TLCD4: variants seen among roughly 807,000 people sequenced by gnomAD.
The protein encoded by TLCD4 is TLC domain containing 4.
Under a neutral mutation model 24.2 loss-of-function variants are expected in TLCD4, and 7 were observed. The ratio of observed to expected loss-of-function variants is 0.29; its 90% CI spans 0.16 to 0.54. The LOEUF is 0.54. TLCD4 is among the 20% of genes least tolerant of loss of function. TLCD4 has a pLI of 0.95. For synonymous variants in TLCD4, 103 were observed against 106.4 expected, an observed-to-expected ratio of 0.97 and a Z score of 0.20; for missense variants, 259 against 313.9, an observed-to-expected ratio of 0.82 and a Z score of 1.32.
chr1:95,093,201 C>T, the TLCD4 span, among the ~76,000 whole-genome samples: 4 of 152,186 alleles, frequency 2.6e-5, no homozygotes, highest in Admixed American at 1.3e-4. Flanking sequence ...AAGAACCTCC[C>T]AGAGGGTGAA....
intron 5 of TLCD4, among the ~76,000 whole-genome samples, chr1:95,155,845 G>A (rs1324139523): frequency 2.0e-5 from 3 of 151,910 alleles, no homozygotes; most frequent in Middle Eastern, 3.4e-3. Flanking sequence ...AGGAGGGTGG[G>A]GGATAGGGGA....
At chr1:95,146,170 A>T (rs1304869420) in intron 2 of TLCD4, among the ~76,000 whole-genome samples, 2 of 152,060 alleles carry the variant, frequency 1.3e-5, no homozygotes, top group East Asian at 3.8e-4. Flanking sequence ...TATAAAAAGA[A>T]ATGGAGGAGA....
intron 1 of TLCD4, among the ~76,000 whole-genome samples, chr1:95,130,708 T>C (rs1045855708): frequency 4.6e-5 from 7 of 152,142 alleles, no homozygotes; most frequent in African/African-American, 1.7e-4. Context: ...CATCCTAGAG[T>C]GTTAGGACTA....
chr1:95,151,336 A>T lies in TLCD4; in HGVS notation c.316A>T (p.Ile106Leu). The change falls in exon 5 of 7, where the codon ATA (isoleucine) becomes TTA (leucine). Residue 106 changes from isoleucine to leucine, a missense_variant. Ile to Leu is a conservative substitution (Grantham distance 5). Transcript: ENST00000370203. ...TTTCTTTCTTACAGATTTGTCCATT[A>T]TAATTTTGTATTGGAAAGTGATTGG... ...SGYLISDLSI[I>L]ILYWKVIGDK... 1 of 1,613,088 alleles carries T rather than the reference A, an allele frequency of 6.2e-7. No homozygotes were observed. The highest frequency in any genetic ancestry group is 8.5e-7 in the Non-Finnish European group (1 of 1,179,366).
At chr1:95,135,096 T>G in intron 1 of TLCD4, among the ~76,000 whole-genome samples, 1 of 152,222 alleles carries the variant, frequency 6.6e-6, no homozygotes, top group Non-Finnish European at 1.5e-5. Context: ...TTTCCTTCCC[T>G]GTGAAATTAT....
chr1:95,094,358 C>T, the TLCD4 span, among the ~76,000 whole-genome samples: 1 of 150,974 alleles, frequency 6.6e-6, no homozygotes, highest in African/African-American at 2.4e-5. Context: ...CGGTCTTTAA[C>T]TTCTGGGCTC....
At chr1:95,174,542 G>C (rs1255277469) in intron 6 of TLCD4, among the ~76,000 whole-genome samples, 1 of 150,462 alleles carries the variant, frequency 6.6e-6, no homozygotes, top group African/African-American at 2.4e-5. Flanking sequence ...AAGAAAATTA[G>C]CTGGGCACGA....
At chr1:95,189,001 T>A (rs112779709) in intron 6 of TLCD4, among the ~76,000 whole-genome samples, 2 of 152,332 alleles carry the variant, frequency 1.3e-5, no homozygotes, top group African/African-American at 4.8e-5. Flanking sequence ...TCTGTATGTA[T>A]GCATTTATAG....
intron 5 of TLCD4, among the ~76,000 whole-genome samples, chr1:95,159,474 G>C (rs1273990898): frequency 2.6e-5 from 4 of 151,392 alleles, no homozygotes; most frequent in Non-Finnish European, 5.9e-5. Context: ...TTCACTGATG[G>C]AGTTTCTTTT....
At position 95,180,058 on chromosome 1, in the gene TLCD4, G is replaced by A. The variant is rs1207177229; in HGVS notation, c.473+6169G>A. Among the ~76,000 whole-genome samples the A allele has an allele frequency of 3.9e-5, 6 of 152,110 alleles. No homozygotes were observed. In the East Asian group the frequency reaches 5.8e-4, roughly 15 times the overall value. On this transcript the variant is annotated intron_variant, in intron 6 of 6. Transcript: ENST00000370203. The stretch of plus-strand genomic sequence containing the variant: ...TTCATTAGATCAAGGGCCAAATTTT[G>A]TTAAACTTTGCATGGTCCAGTGTCC...
In TLCD4 at chr1:95,173,380, G is replaced by C. The variant is rs1214239769; in HGVS notation, c.400-436G>C. 3.9e-5 allele frequency among the ~76,000 whole-genome samples: 6 copies of C among 152,050 alleles called. No homozygotes were observed. The East Asian group carries it at 9.7e-4, about 25-fold the overall frequency. On this transcript the variant is annotated intron_variant, in intron 5 of 6. Coordinates refer to ENST00000370203, the MANE Select transcript of TLCD4 (RefSeq NM_152487.3). ...GCTGGAGTGCAGTGGTGCGACCTCG[G>C]CTCACTGCAAGCTCCGCCTCCCGGG... is the stretch of plus-strand genomic sequence containing the variant.
At chr1:95,176,937 T>A (rs1423411309) in intron 6 of TLCD4, among the ~76,000 whole-genome samples, 1 of 152,204 alleles carries the variant, frequency 6.6e-6, no homozygotes, top group Non-Finnish European at 1.5e-5. Context: ...TGTCAAGTCA[T>A]TTGGCTGTAC....
rs560153994 is a variant in TLCD4, at chr1:95,195,976, C to T, written c.*4108C>T. 1 of 152,234 alleles carries T rather than the reference C, an allele frequency of 6.6e-6. No homozygotes were observed. Among genetic ancestry groups the T allele is most frequent in the South Asian group, 2.1e-4 (1 of 4,820 alleles). 9.4% of individuals were successfully genotyped at this position (152,234 alleles called of 1,614,324 possible). On this transcript the variant is annotated 3_prime_UTR_variant, in exon 7 of 7. Coordinates refer to ENST00000370203, the MANE Select transcript of TLCD4 (RefSeq NM_152487.3). The stretch of plus-strand genomic sequence containing the variant: ...CATGTATCTATAAGCTTCCCAGTCT[C>T]TTATGGCAAATTTAAAAGTTTACAA...
chr1:95,162,388 T>G (rs11165324), intron 5 of TLCD4, among the ~76,000 whole-genome samples: 42,733 of 119,058 alleles, frequency 0.36, 9,599 homozygotes, highest in Middle Eastern at 0.5. Context: ...TTTGAGTGTA[T>G]GTGTGTCTTT....
chr1:95,116,050 G>A (rs745421278), upstream of TLCD4, among the ~76,000 whole-genome samples: 1 of 152,152 alleles, frequency 6.6e-6, no homozygotes, highest in Non-Finnish European at 1.5e-5. Flanking sequence ...CTGGAGCCCT[G>A]GTACATCCTG....
intron 5 of TLCD4, among the ~76,000 whole-genome samples, chr1:95,154,317 A>C (rs1677572416): frequency 6.6e-6 from 1 of 152,146 alleles, no homozygotes; most frequent in South Asian, 2.1e-4. Context: ...GAGGGGAGAA[A>C]AAGAAGGCAC....
intron 2 of TLCD4, among the ~76,000 whole-genome samples, chr1:95,147,825 A>G (rs1677391870): frequency 6.6e-6 from 1 of 152,188 alleles, no homozygotes; most frequent in Non-Finnish European, 1.5e-5. Context: ...GTTGGGTAAA[A>G]AAACTTTATT....
chr1:95,102,267 G>A, the TLCD4 span, among the ~76,000 whole-genome samples: 1 of 152,152 alleles, frequency 6.6e-6, no homozygotes, highest in Non-Finnish European at 1.5e-5. Context: ...TTATTAACTT[G>A]GTATGATGCC....
intron 6 of TLCD4, among the ~76,000 whole-genome samples, chr1:95,176,484 C>A (rs1025896400): frequency 1.3e-5 from 2 of 152,314 alleles, no homozygotes; most frequent in African/African-American, 4.8e-5. Context: ...AGCCACTGAG[C>A]CAAGCCCTTT....
Sources: gnomAD v4.1 joint callset for allele counts (sites outside exome capture counted in the v4.1 genomes callset) on GRCh38, gnomAD v4.1.1 for gene constraint, MANE v1.5 for transcripts, NCBI Gene and HGNC (gene_info 2026-07-23, HGNC 2026-07-21) for gene names.